The following HECTD4 variants were observed in gnomAD, a reference collection of about 807,000 sequenced individuals.
HECTD4 encodes HECT domain E3 ubiquitin protein ligase 4.
In HECTD4, 114 loss-of-function variants were observed where a neutral mutation model predicts 471.5. That is an observed-to-expected ratio of 0.24 (90% CI 0.21 to 0.28). HECTD4 has a LOEUF of 0.28. Ranked by LOEUF, HECTD4 falls within the 10% of genes least tolerant of loss-of-function variation. The probability of loss-of-function intolerance (pLI) is 1.00; values close to 1 mark genes in which losing one functional copy is unlikely to be tolerated. For missense variants in HECTD4, 3,866 were observed against 5,651.5 expected, an observed-to-expected ratio of 0.68 and a Z score of 10.13; for synonymous variants, 2,012 against 2,256.0, an observed-to-expected ratio of 0.89 and a Z score of 3.07.
intron 7 of HECTD4, among the ~76,000 whole-genome samples, chr12:112,292,227 C>T (rs1311260337): frequency 1.3e-5 from 2 of 152,186 alleles, no homozygotes; most frequent in Non-Finnish European, 2.9e-5. Flanking sequence ...AACCTCATGC[C>T]TATCTCAGGG....
At chr12:112,172,629 G>A (rs565938551) in intron 67 of HECTD4, 42 bp downstream of exon 67, 16 of 1,585,448 alleles carry the variant, frequency 1.0e-5, no homozygotes, top group African/African-American at 8.1e-5. Context: ...GGGCATGCCC[G>A]CATCAGGCAG....
chr12:112,179,632 T>C lies in HECTD4; in HGVS notation c.10988-235A>G, dbSNP rs1593900628. Among the ~76,000 whole-genome samples, 1 of 152,204 alleles carries C rather than the reference T, an allele frequency of 6.6e-6. No individual in the cohort carries two copies. Among genetic ancestry groups the C allele is most frequent in the Non-Finnish European group, 1.5e-5 (1 of 68,030 alleles). On this transcript the variant is annotated intron_variant, in intron 62 of 75. Coordinates refer to ENST00000682272, the MANE Select transcript of HECTD4 (RefSeq NM_001388303.1). This position sits in a 1 kb window ranked among gnomAD's most constrained non-coding sequence, Gnocchi z 4.3. ...TGGTCACTGTGGGATGTGAGCCACA[T>C]GGGGACCAGGCTGCTGTCCTCTGCA...
intron 52 of HECTD4, among the ~76,000 whole-genome samples, chr12:112,205,928 A>G (rs2032568145): frequency 6.6e-6 from 1 of 151,872 alleles, no homozygotes; most frequent in African/African-American, 2.4e-5. Flanking sequence ...GTACTGTTTG[A>G]TTTTTACTGC....
At chr12:112,170,623 CT>C in intron 68 of HECTD4, 171 bp from the exon 69 acceptor site, 1 of 711,968 alleles carries the variant, frequency 1.4e-6, no homozygotes, top group Non-Finnish European at 2.3e-6. Context: ...AGCATATACC[CT>C]TTGTCATTCC....
chr12:112,378,107 A>G (rs1413839665), intron 1 of HECTD4, among the ~76,000 whole-genome samples: 1 of 152,164 alleles, frequency 6.6e-6, no homozygotes, highest in Non-Finnish European at 1.5e-5. Context: ...TGCTATAGTG[A>G]CTAAGTCATA....
At chr12:112,367,617 C>G (rs1300470367) in intron 1 of HECTD4, among the ~76,000 whole-genome samples, 1 of 151,628 alleles carries the variant, frequency 6.6e-6, no homozygotes, top group African/African-American at 2.4e-5. Flanking sequence ...GTCAGGAGTT[C>G]AAGACCAGCC....
intron 1 of HECTD4, among the ~76,000 whole-genome samples, chr12:112,339,607 T>C (rs537619885): frequency 6.6e-6 from 1 of 152,206 alleles, no homozygotes; most frequent in Admixed American, 6.5e-5. Context: ...TGTATGTTTG[T>C]GTGTGTATTT....
chr12:112,221,754 TTTTC>T (rs1205994554), intron 44 of HECTD4, among the ~76,000 whole-genome samples: 3 of 150,850 alleles, frequency 2.0e-5, no homozygotes, highest in Non-Finnish European at 4.4e-5. Flanking sequence ...TTTCTTTTTC[TTTTC>T]TTTTTTTTTT....
rs953416519 is a variant in HECTD4, at chr12:112,213,753, G to A, written c.7466-1103C>T. On this transcript the variant is annotated intron_variant, in intron 48 of 75. Coordinates refer to ENST00000682272, the MANE Select transcript of HECTD4 (RefSeq NM_001388303.1). The surrounding 1 kb of genome is among the most constrained non-coding windows in gnomAD (Gnocchi z 4.0). ...TATAAAATTTAAGGCCAGACATGAT[G>A]GTTCATGCCTGTAATCCCAGCATTT... is the stretch of plus-strand genomic sequence containing the variant. 1.3e-5 allele frequency among the ~76,000 whole-genome samples: 2 copies of A among 149,042 alleles called. No individual in the cohort carries two copies. Among genetic ancestry groups the A allele is most frequent in the African/African-American group, 2.5e-5 (1 of 40,644 alleles).
At chr12:112,238,962 T>C (rs1322068187) in intron 34 of HECTD4, 90 bp downstream of exon 34, 2 of 1,249,354 alleles carry the variant, frequency 1.6e-6, no homozygotes, top group Non-Finnish European at 2.2e-6. Context: ...AATAGAGGCT[T>C]TCTCTCTTTC....
Position 112,164,315 on chromosome 12 carries a change from TG to T in HECTD4, c.12535-41del, listed in dbSNP as rs763197098. The T allele has an allele frequency of 5.7e-6, 9 of 1,582,470 alleles. No individual in the cohort carries two copies. The South Asian group carries it at 1.0e-4, about 18-fold the overall frequency. On this transcript the variant is annotated intron_variant, in intron 72 of 75. Coordinates refer to ENST00000682272, the MANE Select transcript of HECTD4 (RefSeq NM_001388303.1). ...CAGAGCGAGGCTCATTATGAGGCCA[TG>T]GGAGGTGGAACCCTGATCCCCAGGT...
At chr12:112,272,916 A>G (rs1471012368) in intron 11 of HECTD4, among the ~76,000 whole-genome samples, 1 of 152,208 alleles carries the variant, frequency 6.6e-6, no homozygotes, top group Non-Finnish European at 1.5e-5. Flanking sequence ...CCTGAGAGAA[A>G]TTACTGTGCT....
intron 29 of HECTD4, 28 bp downstream of exon 29, chr12:112,246,873 C>G: frequency 1.9e-6 from 3 of 1,590,910 alleles, no homozygotes; most frequent in South Asian, 1.1e-5. Flanking sequence ...ATAACAGAAG[C>G]CGATTAGGGG....
rs767340008 is a variant in HECTD4 at position 112,167,357 on chromosome 12, G to A, written c.12494C>T (p.Ala4165Val). Residue 4165 changes from alanine (A) to valine (V), a missense_variant, in exon 72 of 76, where the codon GCG (alanine) becomes GTG (valine). Transcript: ENST00000682272. ...GACGTAATTGTAGGTGAGGATATCC[G>A]CTTCCTGCAGGTCTTGCTCAGGGTC... ...PLDPEQDLQE[A>V]DILTYNYVKK... 3.7e-6 allele frequency: 6 copies of A among 1,613,606 alleles called. No individual in the cohort carries two copies. Among genetic ancestry groups the A allele is most frequent in the African/African-American group, 1.3e-5 (1 of 75,056 alleles).
At chr12:112,175,943 C>G in intron 65 of HECTD4, 84 bp from the exon 66 acceptor site, 1 of 1,528,142 alleles carries the variant, frequency 6.5e-7, no homozygotes. Context: ...TCACCACAGC[C>G]TCTCCCCTAC....
chr12:112,233,307 G>C (rs1265084479), intron 37 of HECTD4, among the ~76,000 whole-genome samples: 1 of 140,636 alleles, frequency 7.1e-6, no homozygotes, highest in Non-Finnish European at 1.5e-5. Flanking sequence ...CTGCAGCCTC[G>C]ATCTCCCTAG....
chr12:112,246,126 C>T (rs934168209), intron 29 of HECTD4, among the ~76,000 whole-genome samples: 8 of 136,950 alleles, frequency 5.8e-5, no homozygotes, highest in Admixed American at 8.5e-5. Flanking sequence ...AATGAGACTC[C>T]GTCTCAAAAA....
At chr12:112,307,169 A>C (rs917633228) in intron 6 of HECTD4, among the ~76,000 whole-genome samples, 5 of 152,306 alleles carry the variant, frequency 3.3e-5, no homozygotes, top group Admixed American at 2.0e-4. Flanking sequence ...TCAATTTCCC[A>C]TTACTTTGGG....
chr12:112,193,380 G>T lies in HECTD4; in HGVS notation c.8955+89C>A. ...AATCGAGAGGAATAGGGACTTGGAA[G>T]GGAAAGGGGAGTCATTTTCAGCAAG... is the stretch of plus-strand genomic sequence containing the variant. On this transcript the variant is annotated intron_variant, in intron 57 of 75. Transcript: ENST00000682272. This position sits in a 1 kb window ranked among gnomAD's most constrained non-coding sequence, Gnocchi z 5.2. The T allele has an allele frequency of 7.3e-7, 1 of 1,376,412 alleles. No homozygotes were observed. The highest frequency in any genetic ancestry group is 1.0e-6 in the Non-Finnish European group (1 of 990,418). The allele number at this position is 1,376,412 out of a possible 1,614,324, so 85.3% of individuals were successfully genotyped here. A position where few individuals can be genotyped will look rare whatever the true frequency, so the allele number is the denominator to read the frequency against.
Sources: gnomAD v4.1 joint callset for allele counts (sites outside exome capture counted in the v4.1 genomes callset) on GRCh38, gnomAD v4.1.1 for gene constraint, Gnocchi (gnomAD v3.1) non-coding constraint, MANE v1.5 for transcripts, NCBI Gene and HGNC (gene_info 2026-07-23, HGNC 2026-07-21) for gene names.